GPC5: variants seen among roughly 807,000 people sequenced by gnomAD.
The protein encoded by GPC5 is glypican 5.
GPC5 carries 47 observed loss-of-function variants against 53.9 expected under a neutral mutation model. The ratio of observed to expected loss-of-function variants is 0.87; its 90% CI spans 0.69 to 1.11. The LOEUF (loss-of-function observed/expected upper bound fraction) is 1.11. Among genes scored for constraint, GPC5 ranks in the 50% most tolerant of loss-of-function variants. GPC5 has a pLI of 0.00. For synonymous variants in GPC5, 286 were observed against 263.3 expected, an observed-to-expected ratio of 1.09 and a Z score of -0.84; for missense variants, 748 against 713.1, an observed-to-expected ratio of 1.05 and a Z score of -0.56.
intron 2 of GPC5, among the ~76,000 whole-genome samples, chr13:91,515,303 CTG>C (rs1885438539): frequency 6.6e-6 from 1 of 152,044 alleles, no homozygotes; most frequent in Admixed American, 6.6e-5. Flanking sequence ...AATAGATGAC[CTG>C]TATTAGGAAA....
intron 6 of GPC5, among the ~76,000 whole-genome samples, chr13:91,912,977 G>T (rs552611896): frequency 6.6e-6 from 1 of 152,102 alleles, no homozygotes; most frequent in South Asian, 2.1e-4. Context: ...AGACATACTG[G>T]TATAAAACAT....
chr13:91,844,875 G>A (rs111591867), intron 5 of GPC5, among the ~76,000 whole-genome samples: 4,417 of 151,928 alleles, frequency 0.029, 197 homozygotes, highest in African/African-American at 0.096. Flanking sequence ...ACAGGTGCCC[G>A]CCACCATGCC....
At chr13:92,274,164 G>A (rs1422520992) in intron 7 of GPC5, among the ~76,000 whole-genome samples, 2 of 151,954 alleles carry the variant, frequency 1.3e-5, no homozygotes, top group African/African-American at 2.4e-5. Flanking sequence ...ATTTCATATT[G>A]CCCTTAGAAT....
chr13:92,564,229 A>G (rs1013893877), intron 7 of GPC5, among the ~76,000 whole-genome samples: 1 of 152,002 alleles, frequency 6.6e-6, no homozygotes, highest in Non-Finnish European at 1.5e-5. Context: ...CCATTTCTGC[A>G]GGTAAATGGG....
chr13:92,385,493 T>TGC lies in GPC5; in HGVS notation c.1561+240504_1561+240505insGC, dbSNP rs1349138905. 2.0e-4 allele frequency among the ~76,000 whole-genome samples: 27 copies of TGC among 137,948 alleles called. 2 individuals are homozygous for TGC. Among genetic ancestry groups the TGC allele is most frequent in the East Asian group, 2.1e-4 (1 of 4,718 alleles). 90.5% of individuals were successfully genotyped at this position (137,948 alleles called of 152,430 possible). On this transcript the variant is annotated intron_variant, in intron 7 of 7. Coordinates refer to ENST00000377067, the MANE Select transcript of GPC5 (RefSeq NM_004466.6). Reference sequence around the variant, plus strand: ...ATACATATATACATATATACACATATATACATACATATACATATATACATA... The same window carrying TGC: ...ATACATATATACATATATACACATATGCATACATACATATACATATATACATA...
At chr13:92,382,467 G>A (rs192089146) in intron 7 of GPC5, among the ~76,000 whole-genome samples, 3 of 152,256 alleles carry the variant, frequency 2.0e-5, no homozygotes, top group African/African-American at 7.2e-5. Context: ...ACAATGATCT[G>A]TTGTATTTTA....
intron 5 of GPC5, among the ~76,000 whole-genome samples, chr13:91,858,630 A>G (rs775623709): frequency 6.6e-6 from 1 of 151,466 alleles, no homozygotes. Context: ...AGTTTTATTC[A>G]TGTGTCTTTG....
intron 3 of GPC5, among the ~76,000 whole-genome samples, chr13:91,694,412 G>T (rs1177888320): frequency 6.6e-6 from 1 of 152,190 alleles, no homozygotes; most frequent in African/African-American, 2.4e-5. Flanking sequence ...GTGTTCAAAA[G>T]AGTTTCTTCA....
rs549433588 is a variant in GPC5 at position 92,546,832 on chromosome 13, G to A, written c.1562-319450G>A. On this transcript the variant is annotated intron_variant, in intron 7 of 7. Transcript: ENST00000377067. Reference sequence around the variant, plus strand: ...TACCAAAACAGAGATATAGACCAATGGAACAGAACAGAGCCCTCAGAAATA... The same window carrying A: ...TACCAAAACAGAGATATAGACCAATAGAACAGAACAGAGCCCTCAGAAATA... Among the ~76,000 whole-genome samples the A allele has an allele frequency of 2.0e-5, 3 of 152,146 alleles. No individual in the cohort carries two copies. In the South Asian group the frequency reaches 6.2e-4, roughly 32 times the overall value.
At chr13:92,136,182 A>G (rs1204458149) in intron 6 of GPC5, among the ~76,000 whole-genome samples, 1 of 152,162 alleles carries the variant, frequency 6.6e-6, no homozygotes, top group African/African-American at 2.4e-5. Flanking sequence ...TAAATTTAAA[A>G]TAGATCATGA....
chr13:91,591,095 A>G (rs2032779636), intron 2 of GPC5, among the ~76,000 whole-genome samples: 1 of 152,192 alleles, frequency 6.6e-6, no homozygotes, highest in Admixed American at 6.5e-5. Context: ...TAAAGCTCCT[A>G]AGACAGTGAT....
chr13:91,457,301 A>G (rs1881631085), intron 2 of GPC5, among the ~76,000 whole-genome samples: 1 of 152,126 alleles, frequency 6.6e-6, no homozygotes, highest in Admixed American at 6.6e-5. Context: ...AGACCCTACA[A>G]AATTTTATCT....
At chr13:91,949,518 C>T (rs562088499) in intron 6 of GPC5, among the ~76,000 whole-genome samples, 3 of 152,264 alleles carry the variant, frequency 2.0e-5, no homozygotes, top group Admixed American at 2.0e-4. Context: ...CTTTCTATAG[C>T]ATCCTTAAAG....
chr13:92,546,999 C>G (rs921547759), intron 7 of GPC5, among the ~76,000 whole-genome samples: 10 of 152,086 alleles, frequency 6.6e-5, no homozygotes, highest in Admixed American at 3.3e-4. Flanking sequence ...CTTCCTTACA[C>G]CTTATACAAA....
intron 2 of GPC5, among the ~76,000 whole-genome samples, chr13:91,692,573 A>G (rs1183614969): frequency 6.6e-6 from 1 of 152,212 alleles, no homozygotes; most frequent in Non-Finnish European, 1.5e-5. Context: ...ACTTTTTTCT[A>G]TCATTAGTGA....
intron 5 of GPC5, among the ~76,000 whole-genome samples, chr13:91,776,013 A>G (rs994064158): frequency 9.2e-5 from 14 of 152,298 alleles, no homozygotes; most frequent in African/African-American, 3.1e-4. Context: ...CTTTGTCCCC[A>G]TTGCATCTGG....
At chr13:92,180,391 T>A (rs1338876420) in intron 7 of GPC5, among the ~76,000 whole-genome samples, 1 of 152,220 alleles carries the variant, frequency 6.6e-6, no homozygotes, top group African/African-American at 2.4e-5. Flanking sequence ...AACAACAATT[T>A]AAGCTGGATT....
intron 7 of GPC5, among the ~76,000 whole-genome samples, chr13:92,486,471 GA>G: frequency 6.6e-6 from 1 of 152,172 alleles, no homozygotes; most frequent in Non-Finnish European, 1.5e-5. Context: ...AAATAAAGAG[GA>G]AAAAATTCTA....
At chr13:92,831,922 T>C (rs1184223410) in intron 7 of GPC5, among the ~76,000 whole-genome samples, 1 of 152,188 alleles carries the variant, frequency 6.6e-6, no homozygotes, top group Non-Finnish European at 1.5e-5. Context: ...GTACTCTGAT[T>C]GGCCTTGTTT....
Sources: allele counts gnomAD v4.1 joint callset (sites outside exome capture counted in the v4.1 genomes callset), GRCh38; gene constraint gnomAD v4.1.1; transcripts MANE v1.5; gene names NCBI Gene and HGNC (gene_info 2026-07-23, HGNC 2026-07-21).